RERE: variants seen among roughly 807,000 people sequenced by gnomAD.
RERE encodes arginine-glutamic acid dipeptide repeats, also known as arginine-glutamic acid dipeptide repeats protein.
Under a neutral mutation model 146.1 loss-of-function variants are expected in RERE, and 40 were observed. That is an observed-to-expected ratio of 0.27 (90% CI 0.21 to 0.36). The LOEUF (loss-of-function observed/expected upper bound fraction) is 0.36, where lower values mean the gene tolerates loss of function less well. Among genes scored for constraint, RERE ranks in the 10% least tolerant of loss-of-function variants. The probability of loss-of-function intolerance (pLI) is 1.00; values close to 1 mark genes in which losing one functional copy is unlikely to be tolerated. For missense variants in RERE, 1,933 were observed against 2,138.7 expected, an observed-to-expected ratio of 0.90 and a Z score of 1.90; for synonymous variants, 1,003 against 866.0, an observed-to-expected ratio of 1.16 and a Z score of -2.78.
chr1:8,772,549 TG>T (rs1640972636), intron 1 of RERE, among the ~76,000 whole-genome samples: 1 of 152,008 alleles, frequency 6.6e-6, no homozygotes, highest in African/African-American at 2.4e-5. Context: ...CCACGGCAGG[TG>T]GATCACCTGA....
intron 10 of RERE, among the ~76,000 whole-genome samples, chr1:8,478,752 C>T (rs913405172): frequency 6.6e-6 from 1 of 152,128 alleles, no homozygotes; most frequent in Non-Finnish European, 1.5e-5. Context: ...GCTCAAAGAC[C>T]AACCTTAAAA....
chr1:8,467,022 T>C (rs756076282), intron 10 of RERE, among the ~76,000 whole-genome samples: 1 of 152,230 alleles, frequency 6.6e-6, no homozygotes, highest in Admixed American at 6.5e-5. Context: ...TACACAAAGA[T>C]TGGCTTTGTC....
chr1:8,574,891 A>T (rs1646271449), intron 4 of RERE, among the ~76,000 whole-genome samples: 1 of 152,248 alleles, frequency 6.6e-6, no homozygotes, highest in Admixed American at 6.5e-5. Context: ...TTCTATTTAG[A>T]ATGTTCTTTC....
intron 11 of RERE, among the ~76,000 whole-genome samples, chr1:8,431,702 C>T (rs1644098085): frequency 6.6e-6 from 1 of 152,018 alleles, no homozygotes; most frequent in Non-Finnish European, 1.5e-5. Context: ...AAAATGTTTC[C>T]TTTCTTCAAT....
chr1:8,792,374 C>T (rs1470954791), intron 1 of RERE: 1 of 152,124 alleles, frequency 6.6e-6, no homozygotes, highest in Non-Finnish European at 1.5e-5. Context: ...CTTATAATAG[C>T]CACTCAAGGA....
chr1:8,500,819 G>C (rs1024910497), intron 8 of RERE, among the ~76,000 whole-genome samples: 2 of 151,426 alleles, frequency 1.3e-5, no homozygotes, highest in African/African-American at 4.9e-5. Context: ...CCTCTGCCCC[G>C]CCGCCCTGTC....
chr1:8,672,113 C>T (rs928696584), intron 1 of RERE, among the ~76,000 whole-genome samples: 1 of 151,890 alleles, frequency 6.6e-6, no homozygotes, highest in Non-Finnish European at 1.5e-5. Flanking sequence ...CCCATATCTC[C>T]ACAAAAAATA....
chr1:8,718,988 A>T (rs1476801753), intron 1 of RERE, among the ~76,000 whole-genome samples: 1 of 152,210 alleles, frequency 6.6e-6, no homozygotes, highest in East Asian at 1.9e-4. Context: ...CAATTAAAGG[A>T]GGGCCTAAAT....
At chr1:8,652,292 C>T (rs1293630415) in intron 2 of RERE, among the ~76,000 whole-genome samples, 2 of 152,192 alleles carry the variant, frequency 1.3e-5, no homozygotes, top group Admixed American at 6.5e-5. Context: ...CTTCATAATA[C>T]ACTTAGCTTT....
chr1:8,559,011 G>C (rs2124428221), intron 4 of RERE, among the ~76,000 whole-genome samples: 1 of 151,008 alleles, frequency 6.6e-6, no homozygotes, highest in East Asian at 2.0e-4. Context: ...GGCCAGACTG[G>C]TCAGGAACTC....
intron 11 of RERE, 113 bp downstream of exon 11, chr1:8,465,812 G>C: frequency 1.2e-6 from 1 of 853,650 alleles, no homozygotes; most frequent in Non-Finnish European, 2.0e-6. Context: ...GCCACGGACA[G>C]CCATTCTGCA....
chr1:8,734,681 A>G (rs1640158056), intron 1 of RERE, among the ~76,000 whole-genome samples: 1 of 152,212 alleles, frequency 6.6e-6, no homozygotes, highest in Non-Finnish European at 1.5e-5. Context: ...AAAACACTTA[A>G]AAGAGGACGT....
intron 12 of RERE, among the ~76,000 whole-genome samples, chr1:8,398,769 T>G (rs984878724): frequency 6.6e-6 from 1 of 152,192 alleles, no homozygotes; most frequent in African/African-American, 2.4e-5. Flanking sequence ...CCATGGAATC[T>G]GGCACAGGGC....
intron 1 of RERE, among the ~76,000 whole-genome samples, chr1:8,742,048 T>G (rs1339931008): frequency 6.6e-6 from 1 of 152,232 alleles, no homozygotes; most frequent in African/African-American, 2.4e-5. Flanking sequence ...GGAAAAAGAC[T>G]GTTAGTTTTC....
chr1:8,643,249 G>A (rs1195770115), intron 2 of RERE, among the ~76,000 whole-genome samples: 1 of 152,194 alleles, frequency 6.6e-6, no homozygotes, highest in Non-Finnish European at 1.5e-5. Context: ...CTGCATTCCT[G>A]AATCTGATCA....
At chr1:8,697,621 C>T (rs771589249) in intron 1 of RERE, among the ~76,000 whole-genome samples, 1 of 152,176 alleles carries the variant, frequency 6.6e-6, no homozygotes, top group Non-Finnish European at 1.5e-5. Context: ...GATCTCCTGA[C>T]CTCGTGATCC....
At chr1:8,516,109 C>T (rs1486251025) in intron 7 of RERE, among the ~76,000 whole-genome samples, 2 of 150,742 alleles carry the variant, frequency 1.3e-5, no homozygotes, top group East Asian at 2.0e-4. Flanking sequence ...CCTATAATCC[C>T]GGCTACTTAA....
At chr1:8,589,912 T>C (rs1438478155) in intron 4 of RERE, among the ~76,000 whole-genome samples, 6 of 152,330 alleles carry the variant, frequency 3.9e-5, no homozygotes, top group Admixed American at 3.3e-4. Context: ...CCCCTCCTCA[T>C]AGACACATCT....
rs139545531 is a variant in RERE, at chr1:8,513,879, G to A, written c.831-5204C>T. Among the ~76,000 whole-genome samples, 141 of 152,338 alleles carry A rather than the reference G, an allele frequency of 9.3e-4. 1 individual carries two copies. The highest frequency in any genetic ancestry group is 3.3e-3 in the African/African-American group (136 of 41,562). On this transcript the variant is annotated intron_variant, in intron 7 of 22. Coordinates refer to ENST00000400908, the MANE Select transcript of RERE (RefSeq NM_001042681.2). ...AAAGCCTATCAATAGTCTTTTGACTGTGCTACTCTGAAATCCATTGGTCTG... is the reference window on the plus strand; with the variant it reads ...AAAGCCTATCAATAGTCTTTTGACTATGCTACTCTGAAATCCATTGGTCTG...
Sources: gnomAD v4.1 joint callset for allele counts (sites outside exome capture counted in the v4.1 genomes callset) on GRCh38, gnomAD v4.1.1 for gene constraint, MANE v1.5 for transcripts, NCBI Gene and HGNC (gene_info 2026-07-23, HGNC 2026-07-21) for gene names.